The following MUC21 variants were observed in gnomAD, a reference collection of about 807,000 sequenced individuals.
MUC21 encodes mucin 21, cell surface associated, also known as mucin-21.
In MUC21, 8 loss-of-function variants were observed where a neutral mutation model predicts 9.1. The observed-to-expected ratio is 0.88, with a 90% CI of 0.52 to 1.59. The LOEUF is 1.59. MUC21 is among the 40% of genes most tolerant of loss of function. MUC21 has a pLI of 0.00. For synonymous variants in MUC21, 189 were observed against 275.2 expected, an observed-to-expected ratio of 0.69 and a Z score of 3.10; for missense variants, 478 against 694.2, an observed-to-expected ratio of 0.69 and a Z score of 3.50.
rs952265660 is a variant in MUC21, at chr6:30,989,138, C to A, written c.*944C>A. The A allele has an allele frequency of 6.6e-6, 1 of 152,238 alleles. No homozygotes were observed. The highest frequency in any genetic ancestry group is 2.4e-5 in the African/African-American group (1 of 41,464). 9.4% of individuals were successfully genotyped at this position (152,238 alleles called of 1,614,324 possible). On this transcript the variant is annotated 3_prime_UTR_variant, in exon 3 of 3. Transcript: ENST00000376296. ...GGTAATGGAGGGCTCCTACTTGGGACAGAGCCCTCAGCAGAGAATTAGCAG... is the reference window on the plus strand; with the variant it reads ...GGTAATGGAGGGCTCCTACTTGGGAAAGAGCCCTCAGCAGAGAATTAGCAG...
At chr6:30,985,566 A>C (rs1200191902) in intron 1 of MUC21, among the ~76,000 whole-genome samples, 3 of 152,256 alleles carry the variant, frequency 2.0e-5, no homozygotes, top group African/African-American at 7.2e-5. Flanking sequence ...ACCTAGTCCT[A>C]TAATTCTTTT....
In MUC21 at chr6:30,988,164, G is replaced by A. The variant is rs1291150421; in HGVS notation, c.1671G>A (p.Met557Ile). 1.2e-6 allele frequency: 2 copies of A among 1,612,496 alleles called. No individual in the cohort carries two copies. Among genetic ancestry groups the A allele is most frequent in the Non-Finnish European group, 1.7e-6 (2 of 1,179,974 alleles). The change falls in exon 3 of 3, where the codon ATG (methionine) becomes ATA (isoleucine). Residue 557 changes from methionine to isoleucine, a missense_variant. Met to Ile is a conservative substitution (Grantham distance 10). Around this residue, in one of 5 missense-constraint regions of MUC21, gnomAD observed 158 missense variants for 192.6 expected, o/e 0.82. Coordinates refer to ENST00000376296, the MANE Select transcript of MUC21 (RefSeq NM_001010909.5). Reference sequence around the variant, plus strand: ...GGAGACCAGTATCCTCGATAGCCATGGAGATGAGCGGGAGGAACAGCGGGC... The same window carrying A: ...GGAGACCAGTATCCTCGATAGCCATAGAGATGAGCGGGAGGAACAGCGGGC... The part of the protein sequence containing the change: ...FWRRPVSSIA[M>I]EMSGRNSGP
Position 30,987,133 on chromosome 6 carries a change from T to G in MUC21, c.958T>G (p.Ser320Ala), listed in dbSNP as rs762246144. ...GGCCAACACAGCCACCAACTCTGAC[T>G]CCAGCACAACCTCCAGTGGGGCCAG... ...SGANTATNSD[S>A]STTSSGASTA... The change falls in exon 2 of 3, where the codon TCC becomes GCC. Residue 320 changes from serine (S) to alanine (A), a missense_variant. Ser to Ala is a moderately conservative substitution (Grantham distance 99, BLOSUM62 1). Around this residue, in one of 5 missense-constraint regions of MUC21, gnomAD observed 155 missense variants for 235.2 expected, o/e 0.66. Transcript: ENST00000376296. The G allele has an allele frequency of 6.4e-7, 1 of 1,572,808 alleles. No homozygotes were observed. The highest frequency in any genetic ancestry group is 8.7e-7 in the Non-Finnish European group (1 of 1,155,414).
In MUC21 at chr6:30,988,679, A is replaced by G. The variant is rs762442243; in HGVS notation, c.*485A>G. ...GAGGGAGGGCGGGTGCCAGCATGCT[A>G]TGGGCTCCTGCGTGAGGCCTGTGGT... is the stretch of plus-strand genomic sequence containing the variant. On this transcript the variant is annotated 3_prime_UTR_variant, in exon 3 of 3. Coordinates refer to ENST00000376296, the MANE Select transcript of MUC21 (RefSeq NM_001010909.5). 24 of 152,662 alleles carry G rather than the reference A, an allele frequency of 1.6e-4. No homozygotes were observed. Among genetic ancestry groups the G allele is most frequent in the African/African-American group, 3.4e-4 (14 of 40,616 alleles). 9.5% of individuals were successfully genotyped at this position (152,662 alleles called of 1,614,324 possible).
chr6:30,986,858 C>T lies in MUC21; in HGVS notation c.683C>T (p.Ser228Phe), dbSNP rs1248555605. ...AATGGGGCTGGCACAGCCACCAACT[C>T]TGAGTCCAGCACGACCTCCAGTGGG... The part of the protein sequence containing the change: ...TSNGAGTATN[S>F]ESSTTSSGAS... The change falls in exon 2 of 3, where the codon TCT (serine) becomes TTT (phenylalanine). Residue 228 changes from serine (S) to phenylalanine (F), a missense_variant. Ser to Phe is a radical substitution (Grantham distance 155). Around this residue, in one of 5 missense-constraint regions of MUC21, gnomAD observed 155 missense variants for 235.2 expected, o/e 0.66. Coordinates refer to ENST00000376296, the MANE Select transcript of MUC21 (RefSeq NM_001010909.5). 3.1e-6 allele frequency: 5 copies of T among 1,590,098 alleles called. No homozygotes were observed. Among genetic ancestry groups the T allele is most frequent in the Non-Finnish European group, 4.3e-6 (5 of 1,166,928 alleles).
intron 1 of MUC21, 74 bp downstream of exon 1, chr6:30,984,093 G>C (rs1581530933): frequency 1.3e-6 from 1 of 757,426 alleles, no homozygotes; most frequent in East Asian, 2.5e-5. Flanking sequence ...ACCACTACTG[G>C]GGCCAGCTCT....
At chr6:30,986,191 A>G (rs9295939) in intron 1 of MUC21, 46 bp from the exon 2 acceptor site, 33,418 of 1,502,594 alleles carry the variant, frequency 0.022, 516 homozygotes, top group East Asian at 0.044. Flanking sequence ...AATAAGCAGA[A>G]AGTATATACA....
chr6:30,984,995 G>GAAATAAAATA (rs1762187853), intron 1 of MUC21, among the ~76,000 whole-genome samples: 3 of 49,948 alleles, frequency 6.0e-5, no homozygotes, highest in Non-Finnish European at 1.1e-4. Context: ...AAATAAATAA[G>GAAATAAAATA]CAATAAAATA....
At chr6:30,987,766 G>A in intron 2 of MUC21, 85 bp downstream of exon 2, 1 of 1,543,354 alleles carries the variant, frequency 6.5e-7, no homozygotes, top group East Asian at 2.3e-5. Context: ...GGGGTCTCAA[G>A]TCAGGGGTGG....
chr6:30,986,601 A>ATGTG lies in MUC21; in HGVS notation c.426_427insTGTG (p.Thr143CysfsTer7). 2,617 of 1,239,512 alleles carry ATGTG rather than the reference A, an allele frequency of 2.1e-3. 10 individuals carry two copies. Among genetic ancestry groups the ATGTG allele is most frequent in the African/African-American group, 0.013 (744 of 55,708 alleles). The allele number at this position is 1,239,512 out of a possible 1,614,324, so 76.8% of individuals were successfully genotyped here. A position where few individuals can be genotyped will look rare whatever the true frequency, so the allele number is the denominator to read the frequency against. On this transcript the variant is annotated frameshift_variant, in exon 2 of 3. Transcript: ENST00000376296. LOFTEE classifies it high-confidence loss of function. ...CAGCCACCAACTCTGACTCCAGCAC[A>ATGTG]ACCTCCAGTGGGGCTAGCACAGCCA...
intron 2 of MUC21, 31 bp downstream of exon 2, chr6:30,987,712 G>A: frequency 1.2e-6 from 2 of 1,602,474 alleles, no homozygotes; most frequent in Non-Finnish European, 1.7e-6. Flanking sequence ...AAAATGCCTG[G>A]GGGAAGGAGC....
Position 30,983,793 on chromosome 6 carries a change from G to C in MUC21, c.-166G>C, listed in dbSNP as rs1762137477. 1.1e-5 allele frequency: 6 copies of C among 547,060 alleles called. No individual in the cohort carries two copies. The South Asian group carries it at 1.3e-4, about 12-fold the overall frequency. 33.9% of individuals were successfully genotyped at this position (547,060 alleles called of 1,614,324 possible). On this transcript the variant is annotated 5_prime_UTR_variant, in exon 1 of 3. Coordinates refer to ENST00000376296, the MANE Select transcript of MUC21 (RefSeq NM_001010909.5). ...TCCAGCTGCCCACGCCTGAGTCCAA[G>C]ATTCTTCCCAGGAACACAAACGTAG...
chr6:30,989,181 C>T lies in MUC21; in HGVS notation c.*987C>T, dbSNP rs1762523012. 1 of 152,176 alleles carries T rather than the reference C, an allele frequency of 6.6e-6. No individual in the cohort carries two copies. The highest frequency in any genetic ancestry group is 2.4e-5 in the African/African-American group (1 of 41,430). 9.4% of individuals were successfully genotyped at this position (152,176 alleles called of 1,614,324 possible). A position where few individuals can be genotyped will look rare whatever the true frequency, so the allele number is the denominator to read the frequency against. On this transcript the variant is annotated 3_prime_UTR_variant, in exon 3 of 3. Transcript: ENST00000376296. ...ATTAGCAGTCTGTTGGTGGGTTCAC[C>T]CCAACTCACAGCAGTAGAAACTGCT...
Position 30,987,127 on chromosome 6 carries a change from T to A in MUC21, c.952T>A (p.Ser318Thr), listed in dbSNP as rs774951831. 9 of 1,572,104 alleles carry A rather than the reference T, an allele frequency of 5.7e-6. No homozygotes were observed. In the South Asian group the frequency reaches 9.0e-5, roughly 16 times the overall value. ...TSSGANTATN[S>T]DSSTTSSGAS... is the part of the protein sequence containing the mutation. ...CAGTGGGGCCAACACAGCCACCAAC[T>A]CTGACTCCAGCACAACCTCCAGTGG... The change falls in exon 2 of 3, where the codon TCT (serine) becomes ACT (threonine). Residue 318 changes from serine (S) to threonine (T), a missense_variant. Coordinates refer to ENST00000376296, the MANE Select transcript of MUC21 (RefSeq NM_001010909.5).
At chr6:30,985,573 T>C (rs1762213154) in intron 1 of MUC21, among the ~76,000 whole-genome samples, 1 of 152,238 alleles carries the variant, frequency 6.6e-6, no homozygotes, top group Admixed American at 6.5e-5. Flanking sequence ...CCTATAATTC[T>C]TTTATAATAC....
At chr6:30,984,254 T>C (rs2150681412) in intron 1 of MUC21, 1 of 466,902 alleles carries the variant, frequency 2.1e-6, no homozygotes, top group South Asian at 4.3e-5. Context: ...ATCTATTAAC[T>C]GTGTACTTTA....
rs1364443869 is a variant in MUC21, at chr6:30,983,737, T to C, written c.-222T>C. 8 of 475,860 alleles carry C rather than the reference T, an allele frequency of 1.7e-5. No individual in the cohort carries two copies. The highest frequency in any genetic ancestry group is 2.9e-5 in the Non-Finnish European group (8 of 271,366). 29.5% of individuals were successfully genotyped at this position (475,860 alleles called of 1,614,324 possible). A position where few individuals can be genotyped will look rare whatever the true frequency, so the allele number is the denominator to read the frequency against. ...CACAACAGAGAAAGAGGCAACTACA[T>C]TGCCTGGAGGAAGCCTAAGGAACCC... On this transcript the variant is annotated 5_prime_UTR_variant, in exon 1 of 3. Coordinates refer to ENST00000376296, the MANE Select transcript of MUC21 (RefSeq NM_001010909.5).
At position 30,986,987 on chromosome 6, in the gene MUC21, C is replaced by T. The variant is rs1391420388; in HGVS notation, c.812C>T (p.Thr271Ile). The T allele has an allele frequency of 1.2e-6, 2 of 1,605,388 alleles. No individual in the cohort carries two copies. The highest frequency in any genetic ancestry group is 1.7e-6 in the Non-Finnish European group (2 of 1,174,596). Residue 271 changes from threonine (T) to isoleucine (I), a missense_variant, in exon 2 of 3, where the codon ACC (threonine) becomes ATC (isoleucine). Thr to Ile is a moderately conservative substitution (Grantham distance 89). Coordinates refer to ENST00000376296, the MANE Select transcript of MUC21 (RefSeq NM_001010909.5). ...ACCTCCAGTGGGGCCGGCACAGCCACCAACTCTGAGTCCAGCACAGTGTCC... is the reference window on the plus strand; with the variant it reads ...ACCTCCAGTGGGGCCGGCACAGCCATCAACTCTGAGTCCAGCACAGTGTCC... ...STTSSGAGTA[T>I]NSESSTVSSG...
Position 30,987,086 on chromosome 6 carries a change from A to C in MUC21, c.911A>C (p.Glu304Ala). ...GGGGCCAACACAGCCACCAACTCTG[A>C]GTCCAGTACGACCTCCAGTGGGGCC... ...SSGANTATNS[E>A]SSTTSSGANT... is the part of the protein sequence containing the mutation. The change falls in exon 2 of 3, where the codon GAG becomes GCG. Residue 304 changes from glutamate to alanine, a missense_variant. Glu to Ala is a moderately radical substitution (Grantham distance 107). Around this residue, in one of 5 missense-constraint regions of MUC21, gnomAD observed 155 missense variants for 235.2 expected, o/e 0.66. Transcript: ENST00000376296. The C allele has an allele frequency of 6.4e-7, 1 of 1,564,824 alleles. No individual in the cohort carries two copies.
Sources: allele counts gnomAD v4.1 joint callset (sites outside exome capture counted in the v4.1 genomes callset), GRCh38; gene constraint gnomAD v4.1.1; regional missense constraint gnomAD v4.1.1; transcripts MANE v1.5; gene names NCBI Gene and HGNC (gene_info 2026-07-23, HGNC 2026-07-21).